CSMD1: variants seen among roughly 807,000 people sequenced by gnomAD.
CSMD1 encodes CUB and sushi domain-containing protein 1.
In CSMD1, 213 loss-of-function variants were observed where a neutral mutation model predicts 417.5. That is an observed-to-expected ratio of 0.51 (90% CI 0.46 to 0.57). The LOEUF (loss-of-function observed/expected upper bound fraction) is 0.57. CSMD1 is among the 20% of genes least tolerant of loss of function. CSMD1 has a pLI of 0.00. For synonymous variants in CSMD1, 2,862 were observed against 1,736.8 expected, an observed-to-expected ratio of 1.65 and a Z score of -16.11; for missense variants, 6,923 against 4,529.7, an observed-to-expected ratio of 1.53 and a Z score of -15.17.
At chr8:4,244,371 A>G (rs1802575207) in intron 3 of CSMD1, among the ~76,000 whole-genome samples, 2 of 152,210 alleles carry the variant, frequency 1.3e-5, no homozygotes, top group Non-Finnish European at 2.9e-5. Flanking sequence ...AGAAAGACCT[A>G]GAAACGGATG....
At chr8:3,285,881 G>A (rs894589910) in intron 25 of CSMD1, among the ~76,000 whole-genome samples, 7 of 151,758 alleles carry the variant, frequency 4.6e-5, no homozygotes, top group Non-Finnish European at 1.0e-4. Flanking sequence ...TGTGCACAAC[G>A]TGCAGGTTTG....
Position 3,205,532 on chromosome 8 carries a change from G to A in CSMD1, c.4956C>T (p.Leu1652=). The A allele has an allele frequency of 1.3e-6, 2 of 1,590,430 alleles. No individual in the cohort carries two copies. The highest frequency in any genetic ancestry group is 1.1e-5 in the South Asian group (1 of 88,444). The change falls in exon 31 of 70, where the codon CTC becomes CTT. Residue 1652 remains leucine (L), a synonymous_variant. Coordinates refer to ENST00000635120, the MANE Select transcript of CSMD1 (RefSeq NM_033225.6). ...PHNYTAGQIC[L]YSITVPKEFV... ...ATTCCTTTGGTACCGTGATGGAATA[G>A]AGGCATATTTGACCAGCTGTGTAAT...
intron 3 of CSMD1, among the ~76,000 whole-genome samples, chr8:4,203,379 G>C (rs1172037241): frequency 6.6e-6 from 1 of 152,116 alleles, no homozygotes; most frequent in Non-Finnish European, 1.5e-5. Context: ...GGAAATATGA[G>C]GTGAGATCTT....
chr8:3,698,718 T>A (rs1160352040), intron 7 of CSMD1, among the ~76,000 whole-genome samples: 1 of 152,250 alleles, frequency 6.6e-6, no homozygotes, highest in African/African-American at 2.4e-5. Context: ...AATGTGTTTC[T>A]CACAGATGAG....
chr8:4,004,621 T>C (rs575378194), intron 4 of CSMD1, among the ~76,000 whole-genome samples: 1 of 152,316 alleles, frequency 6.6e-6, no homozygotes, highest in Admixed American at 6.5e-5. Context: ...TTTACTATTC[T>C]ACAATATATT....
chr8:4,101,490 C>G (rs553432351), intron 3 of CSMD1, among the ~76,000 whole-genome samples: 105 of 152,260 alleles, frequency 6.9e-4, no homozygotes, highest in Non-Finnish European at 1.1e-3. Context: ...TGCAGCTGTC[C>G]TCAGTCACCC....
chr8:4,363,027 T>G (rs770284312), intron 3 of CSMD1, among the ~76,000 whole-genome samples: 9 of 152,226 alleles, frequency 5.9e-5, no homozygotes, highest in Non-Finnish European at 1.2e-4. Flanking sequence ...TTTCAGTATT[T>G]ACTTCTGCTA....
At chr8:4,661,127 T>C (rs1804578413) in intron 1 of CSMD1, among the ~76,000 whole-genome samples, 1 of 152,172 alleles carries the variant, frequency 6.6e-6, no homozygotes, top group African/African-American at 2.4e-5. Context: ...GCATTTATCC[T>C]AGAAATGTGA....
chr8:4,365,357 G>T (rs996912478), intron 3 of CSMD1, among the ~76,000 whole-genome samples: 4 of 152,154 alleles, frequency 2.6e-5, no homozygotes, highest in African/African-American at 9.7e-5. Flanking sequence ...TCAAAATCAT[G>T]CATCATTTTT....
Position 4,178,681 on chromosome 8 carries a change from C to A in CSMD1, c.416-146582G>T, listed in dbSNP as rs191914566. On this transcript the variant is annotated intron_variant, in intron 3 of 69. Transcript: ENST00000635120. ...TAATATGATTGTTTATCTAGAAAAC[C>A]CCACTGTCTCAGCCCAAAATCTCCT... Among the ~76,000 whole-genome samples, 10 of 152,206 alleles carry A rather than the reference C, an allele frequency of 6.6e-5. No homozygotes were observed. In the East Asian group the frequency reaches 1.9e-3, roughly 30 times the overall value.
At chr8:4,642,630 G>A (rs1803269512) in intron 1 of CSMD1, among the ~76,000 whole-genome samples, 1 of 152,192 alleles carries the variant, frequency 6.6e-6, no homozygotes, top group South Asian at 2.1e-4. Flanking sequence ...TCAGAAAGTA[G>A]TAGAGGTGGA....
intron 2 of CSMD1, among the ~76,000 whole-genome samples, chr8:4,635,614 G>T (rs888180265): frequency 2.0e-5 from 3 of 152,042 alleles, no homozygotes; most frequent in African/African-American, 7.2e-5. Context: ...ACACACATTG[G>T]CATTTGAATA....
rs192827580 is a variant in CSMD1 at position 3,247,048 on chromosome 8, T to A, written c.4154-16817A>T. On this transcript the variant is annotated intron_variant, in intron 26 of 69. Transcript: ENST00000635120. The stretch of plus-strand genomic sequence containing the variant: ...GTATTCATTTTTGTATTGGTGTAAG[T>A]GAAGATCTAAGGGCAGAAGTGACTT... Among the ~76,000 whole-genome samples, 7 of 152,298 alleles carry A rather than the reference T, an allele frequency of 4.6e-5. No individual in the cohort carries two copies. The East Asian group carries it at 1.2e-3, about 25-fold the overall frequency.
intron 5 of CSMD1, among the ~76,000 whole-genome samples, chr8:3,810,605 G>A (rs1267693332): frequency 6.6e-6 from 1 of 152,170 alleles, no homozygotes; most frequent in Non-Finnish European, 1.5e-5. Context: ...GTTCTCCCTT[G>A]TCACTGGTGA....
intron 58 of CSMD1, among the ~76,000 whole-genome samples, chr8:2,966,262 C>G (rs1437588771): frequency 6.6e-6 from 1 of 152,138 alleles, no homozygotes. Context: ...AGCCAGAGAA[C>G]CAAAGACATT....
intron 23 of CSMD1, among the ~76,000 whole-genome samples, chr8:3,323,415 C>A (rs150313840): frequency 0.011 from 1,691 of 152,102 alleles, 38 homozygotes; most frequent in African/African-American, 0.039. Context: ...CACTAATAGT[C>A]ATCAAAGCCA....
intron 23 of CSMD1, among the ~76,000 whole-genome samples, chr8:3,329,726 A>G (rs977079575): frequency 4.6e-5 from 7 of 152,126 alleles, no homozygotes; most frequent in African/African-American, 1.7e-4. Flanking sequence ...ACCAGTGCTA[A>G]CTGAAGAGTG....
chr8:3,971,881 T>C (rs961847931), intron 5 of CSMD1, among the ~76,000 whole-genome samples: 10 of 152,196 alleles, frequency 6.6e-5, no homozygotes, highest in African/African-American at 2.2e-4. Context: ...TGTTTCTTTG[T>C]TGATTTTTTT....
intron 2 of CSMD1, among the ~76,000 whole-genome samples, chr8:4,486,145 A>G (rs1369450791): frequency 3.2e-4 from 8 of 25,200 alleles, no homozygotes; most frequent in Non-Finnish European, 5.1e-4. Flanking sequence ...ATACATACAT[A>G]TATATATATA....
Sources: gnomAD v4.1 joint callset for allele counts (sites outside exome capture counted in the v4.1 genomes callset) on GRCh38, gnomAD v4.1.1 for gene constraint, MANE v1.5 for transcripts, NCBI Gene and HGNC (gene_info 2026-07-23, HGNC 2026-07-21) for gene names.